The following CDK14 variants were observed in gnomAD, a reference collection of about 807,000 sequenced individuals.
CDK14 encodes cyclin dependent kinase 14.
Under a neutral mutation model 60.7 loss-of-function variants are expected in CDK14, and 34 were observed. The observed-to-expected ratio is 0.56, with a 90% CI of 0.43 to 0.75. The LOEUF is 0.75. Ranked by LOEUF, CDK14 falls within the 30% of genes least tolerant of loss-of-function variation. The probability of loss-of-function intolerance (pLI) is 0.00; values close to 1 mark genes in which losing one functional copy is unlikely to be tolerated. For synonymous variants in CDK14, 197 were observed against 203.7 expected, an observed-to-expected ratio of 0.97 and a Z score of 0.28; for missense variants, 482 against 564.1, an observed-to-expected ratio of 0.85 and a Z score of 1.47.
At chr7:90,780,035 T>C (rs1376517674) in intron 4 of CDK14, among the ~76,000 whole-genome samples, 1 of 152,202 alleles carries the variant, frequency 6.6e-6, no homozygotes, top group Non-Finnish European at 1.5e-5. Flanking sequence ...GGATTTTCCT[T>C]ATTGTTTCCT....
chr7:91,153,126 G>A (rs1215490484), intron 14 of CDK14, among the ~76,000 whole-genome samples: 2 of 152,110 alleles, frequency 1.3e-5, no homozygotes, highest in African/African-American at 4.8e-5. Flanking sequence ...AGATTCTCCT[G>A]GAAAGATGCA....
chr7:90,959,885 C>T (rs892669622), intron 9 of CDK14, among the ~76,000 whole-genome samples: 1 of 152,160 alleles, frequency 6.6e-6, no homozygotes, highest in Non-Finnish European at 1.5e-5. Flanking sequence ...TTATCTCCCT[C>T]TGTAAAGGAA....
At chr7:90,895,554 TCCTCCCCTCC>T (rs1302263645) in intron 6 of CDK14, among the ~76,000 whole-genome samples, 1 of 37,000 alleles carries the variant, frequency 2.7e-5, no homozygotes, top group Non-Finnish European at 5.5e-5. Context: ...CCCTCCCCTC[TCCTCCCCTCC>T]CCTCCCCTCC....
chr7:90,914,780 A>AT (rs1793019552), intron 7 of CDK14, among the ~76,000 whole-genome samples: 1 of 152,146 alleles, frequency 6.6e-6, no homozygotes, highest in African/African-American at 2.4e-5. Context: ...GAACTACTTG[A>AT]TTTACCTATG....
At chr7:91,145,643 T>C (rs1203187511) in intron 14 of CDK14, among the ~76,000 whole-genome samples, 1 of 152,172 alleles carries the variant, frequency 6.6e-6, no homozygotes, top group Non-Finnish European at 1.5e-5. Context: ...GCCAGGCTGG[T>C]CACTCTTCAG....
intron 3 of CDK14, 146 bp downstream of exon 3, chr7:90,726,958 G>C (rs1802659620): frequency 1.2e-6 from 1 of 845,104 alleles, no homozygotes; most frequent in African/African-American, 1.7e-5. Flanking sequence ...TTGGAAGAGA[G>C]AGAGCAAACT....
At chr7:90,922,640 CT>C (rs1184484052) in intron 8 of CDK14, among the ~76,000 whole-genome samples, 1 of 152,104 alleles carries the variant, frequency 6.6e-6, no homozygotes, top group African/African-American at 2.4e-5. Flanking sequence ...TGTCTTTTCC[CT>C]ATCTTGAAAC....
intron 14 of CDK14, among the ~76,000 whole-genome samples, chr7:91,181,091 C>A (rs892382069): frequency 6.6e-6 from 1 of 152,192 alleles, no homozygotes; most frequent in African/African-American, 2.4e-5. Flanking sequence ...TGGCCAAAAC[C>A]AATTTCAGCA....
intron 14 of CDK14, among the ~76,000 whole-genome samples, chr7:91,195,128 T>C (rs1408841198): frequency 4.6e-5 from 7 of 152,238 alleles, no homozygotes; most frequent in African/African-American, 1.7e-4. Context: ...GAATGTCTTA[T>C]TCATCAAACA....
chr7:91,206,676 T>A (rs1452332376), intron 14 of CDK14, among the ~76,000 whole-genome samples: 1 of 152,230 alleles, frequency 6.6e-6, no homozygotes, highest in Non-Finnish European at 1.5e-5. Context: ...ATTTTCATTC[T>A]GCTGGAACTG....
chr7:90,995,039 G>A lies in CDK14; in HGVS notation c.1041+10798G>A, dbSNP rs528759331. On this transcript the variant is annotated intron_variant, in intron 10 of 14. Transcript: ENST00000380050. ...TAAGATGGCTCCTAGTGTGCCCACCGCCTGGCGTTTATGCCCTTGTGTAAT... is the reference window on the plus strand; with the variant it reads ...TAAGATGGCTCCTAGTGTGCCCACCACCTGGCGTTTATGCCCTTGTGTAAT... Among the ~76,000 whole-genome samples, 11 of 152,240 alleles carry A rather than the reference G, an allele frequency of 7.2e-5. 1 individual carries two copies. The South Asian group carries it at 2.1e-3, about 29-fold the overall frequency.
chr7:90,596,487 T>C lies in CDK14; in HGVS notation c.-141T>C. On this transcript the variant is annotated 5_prime_UTR_variant, in exon 1 of 15. Coordinates refer to ENST00000380050, the MANE Select transcript of CDK14 (RefSeq NM_001287135.2). ...TCCGCCTGCCTGCTGCTCGCCTCCC[T>C]AGACCTGCGCGTCGCTTCCCGGCCC... 3 of 660,162 alleles carry C rather than the reference T, an allele frequency of 4.5e-6. No homozygotes were observed. The highest frequency in any genetic ancestry group is 8.0e-6 in the Non-Finnish European group (3 of 374,606). 40.9% of individuals were successfully genotyped at this position (660,162 alleles called of 1,614,324 possible).
At chr7:90,974,591 T>G (rs1236791713) in intron 9 of CDK14, among the ~76,000 whole-genome samples, 6 of 152,186 alleles carry the variant, frequency 3.9e-5, no homozygotes, top group African/African-American at 1.4e-4. Flanking sequence ...TTTTGATATC[T>G]TAATCTAACC....
At chr7:91,071,310 C>T (rs564513724) in intron 11 of CDK14, among the ~76,000 whole-genome samples, 13 of 152,216 alleles carry the variant, frequency 8.5e-5, no homozygotes, top group Non-Finnish European at 1.9e-4. Flanking sequence ...AAACAGCTTG[C>T]TATCCTGCAC....
At chr7:90,899,630 A>C (rs967913829) in intron 7 of CDK14, among the ~76,000 whole-genome samples, 14 of 152,058 alleles carry the variant, frequency 9.2e-5, no homozygotes, top group African/African-American at 3.4e-4. Flanking sequence ...CTGGAATCCT[A>C]CTTTTTAACA....
intron 8 of CDK14, among the ~76,000 whole-genome samples, chr7:90,943,730 A>C (rs4728948): frequency 1.3e-5 from 2 of 152,196 alleles, no homozygotes; most frequent in Non-Finnish European, 2.9e-5. Flanking sequence ...ACGTGATTCA[A>C]CTTTACTCAT....
rs541917065 is a variant in CDK14, at chr7:90,612,889, T to TA, written c.123+8641dup. On this transcript the variant is annotated intron_variant, in intron 2 of 14. Coordinates refer to ENST00000380050, the MANE Select transcript of CDK14 (RefSeq NM_001287135.2). ...CCTTCCATGCAAGAGGTCTAAAAGT[T>TA]AGACTGTTCTTTAATTATGCCAGTA... 8.5e-5 allele frequency among the ~76,000 whole-genome samples: 13 copies of TA among 152,276 alleles called. No homozygotes were observed. The South Asian group carries it at 2.7e-3, about 32-fold the overall frequency.
chr7:91,086,324 T>TC (rs1238337776), intron 12 of CDK14, among the ~76,000 whole-genome samples: 1 of 152,112 alleles, frequency 6.6e-6, no homozygotes, highest in African/African-American at 2.4e-5. Context: ...CCCTGCCTCC[T>TC]CCCCTCCAGA....
chr7:91,134,044 C>A lies in CDK14; in HGVS notation c.*28+15836C>A, dbSNP rs75280630. On this transcript the variant is annotated intron_variant, in intron 14 of 14. Transcript: ENST00000380050. Reference sequence around the variant, plus strand: ...AAAAGAGGAGCTAAAGGAGTCCTGTCGGCATAAGAATTTGGGACTCCGGAT... The same window carrying A: ...AAAAGAGGAGCTAAAGGAGTCCTGTAGGCATAAGAATTTGGGACTCCGGAT... Among the ~76,000 whole-genome samples the A allele has an allele frequency of 2.6e-5, 4 of 152,266 alleles. No homozygotes were observed. The South Asian group carries it at 6.2e-4, about 24-fold the overall frequency.
Sources: gnomAD v4.1 joint callset for allele counts (sites outside exome capture counted in the v4.1 genomes callset) on GRCh38, gnomAD v4.1.1 for gene constraint, MANE v1.5 for transcripts, NCBI Gene and HGNC (gene_info 2026-07-23, HGNC 2026-07-21) for gene names.